The following NSMAF variants were observed in gnomAD, a reference collection of about 807,000 sequenced individuals.
The protein encoded by NSMAF is protein FAN.
A neutral mutation model predicts 134.9 loss-of-function variants in NSMAF; 90 were observed. The observed-to-expected ratio is 0.67, with a 90% CI of 0.56 to 0.79. The LOEUF is 0.79. NSMAF is among the 30% of genes least tolerant of loss of function. NSMAF has a pLI of 0.00. For missense variants in NSMAF, 1,010 were observed against 1,119.0 expected (o/e 0.90, Z 1.39); for synonymous variants, 358 against 389.6 (o/e 0.92, Z 0.96).
Position 58,606,214 on chromosome 8 carries a change from G to GTA in NSMAF, c.760-181_760-180dup, listed in dbSNP as rs146075702. 4.0e-3 allele frequency among the ~76,000 whole-genome samples: 601 copies of GTA among 150,648 alleles called. 8 individuals are homozygous for GTA. The highest frequency in any genetic ancestry group is 0.017 in the South Asian group (79 of 4,772). ...GATATATATACACATATACGTTTGC[G>GTA]TATATATATATATGTTGTATTTATA... is the stretch of plus-strand genomic sequence containing the variant. On this transcript the variant is annotated intron_variant, in intron 11 of 30. Transcript: ENST00000038176.
At chr8:58,627,264 T>C (rs948694671) in intron 6 of NSMAF, among the ~76,000 whole-genome samples, 4 of 152,204 alleles carry the variant, frequency 2.6e-5, no homozygotes, top group Admixed American at 6.6e-5. Context: ...TTTTGGGTTC[T>C]TAGTCATGAA....
chr8:58,600,061 A>C, intron 16 of NSMAF, 40 bp from the exon 17 acceptor site: 2 of 1,462,806 alleles, frequency 1.4e-6, no homozygotes, highest in Non-Finnish European at 9.5e-7. Flanking sequence ...TCAGCTAAGG[A>C]AATAGCAATA....
chr8:58,631,515 G>T lies in NSMAF; in HGVS notation c.365C>A (p.Ala122Glu). The stretch of plus-strand genomic sequence containing the variant: ...ACTTACCCTTTCTATTTTATATGGT[G>T]CAACAACATTATGTTCTTTAATGAA... ...VYFIKEHNVV[A>E]PYKIERGKME... Residue 122 changes from alanine (A) to glutamate (E), a missense_variant, in exon 6 of 31, where the codon GCA becomes GAA. Transcript: ENST00000038176. 1 of 1,508,450 alleles carries T rather than the reference G, an allele frequency of 6.6e-7. No individual in the cohort carries two copies. Among genetic ancestry groups the T allele is most frequent in the Non-Finnish European group, 9.0e-7 (1 of 1,111,126 alleles). 93.4% of individuals were successfully genotyped at this position (1,508,450 alleles called of 1,614,324 possible).
chr8:58,615,149 C>T (rs1006494244), intron 9 of NSMAF, among the ~76,000 whole-genome samples: 4 of 152,182 alleles, frequency 2.6e-5, no homozygotes, highest in South Asian at 2.1e-4. Flanking sequence ...GAAGACATTA[C>T]GCATCTTAAT....
chr8:58,598,780 T>C (rs1806201880), intron 19 of NSMAF, among the ~76,000 whole-genome samples: 1 of 152,114 alleles, frequency 6.6e-6, no homozygotes, highest in Admixed American at 6.5e-5. Flanking sequence ...CCCAGCACTT[T>C]GGGAGGCCGA....
chr8:58,594,019 T>A (rs1297800389), intron 23 of NSMAF, among the ~76,000 whole-genome samples: 1 of 152,186 alleles, frequency 6.6e-6, no homozygotes, highest in Non-Finnish European at 1.5e-5. Context: ...TCCTCAACTC[T>A]GGGAAACCTC....
At chr8:58,590,205 C>G (rs1012232704) in intron 24 of NSMAF, 131 bp from the exon 25 acceptor site, 10 of 734,454 alleles carry the variant, frequency 1.4e-5, no homozygotes, top group African/African-American at 1.2e-4. Context: ...CCTATTTACG[C>G]AGATTTTCTC....
Position 58,635,403 on chromosome 8 carries a change from A to G in NSMAF, c.229-31T>C, listed in dbSNP as rs757714513. 31 of 1,580,070 alleles carry G rather than the reference A, an allele frequency of 2.0e-5. No homozygotes were observed. The East Asian group carries it at 6.9e-4, about 35-fold the overall frequency. On this transcript the variant is annotated intron_variant, in intron 3 of 30. Transcript: ENST00000038176. ...TAAAATTGAGAGAAATATTATAAAA[A>G]TCAAGAAAGGTAAGACATACACAAA...
At chr8:58,602,900 G>T (rs915861745) in intron 13 of NSMAF, among the ~76,000 whole-genome samples, 2 of 152,156 alleles carry the variant, frequency 1.3e-5, no homozygotes, top group Non-Finnish European at 2.9e-5. Flanking sequence ...TTTTCAAAGT[G>T]AGAAGCAAAT....
chr8:58,656,023 TTG>T (rs76129781), intron 1 of NSMAF, among the ~76,000 whole-genome samples: 5,359 of 152,104 alleles, frequency 0.035, 307 homozygotes, highest in East Asian at 0.24. Flanking sequence ...AATCTTTTTT[TTG>T]TTTGTTTGTT....
At chr8:58,639,921 G>A (rs991198081) in intron 2 of NSMAF, 2 of 335,386 alleles carry the variant, frequency 6.0e-6, no homozygotes, top group Admixed American at 4.0e-5. Flanking sequence ...ATTTCACGTA[G>A]ACTCTAAAAG....
At chr8:58,626,081 T>C (rs1585750361) in intron 6 of NSMAF, among the ~76,000 whole-genome samples, 9 of 137,472 alleles carry the variant, frequency 6.5e-5, no homozygotes. Context: ...CCAAAGTCCA[T>C]TATATAATTC....
At position 58,603,202 on chromosome 8, in the gene NSMAF, G is replaced by C; in HGVS notation, c.1045+8C>G. The C allele has an allele frequency of 6.2e-7, 1 of 1,613,386 alleles. No homozygotes were observed. The highest frequency in any genetic ancestry group is 2.2e-5 in the East Asian group (1 of 44,870). ...CAACTTGGTCAGAATTCCACGTGTG[G>C]CAGTTACCTAGTTCTGAGCTGGAAT... On this transcript the variant is annotated splice_region_variant and intron_variant, in intron 13 of 30. Coordinates refer to ENST00000038176, the MANE Select transcript of NSMAF (RefSeq NM_003580.4).
At chr8:58,612,000 T>C (rs1448950760) in intron 9 of NSMAF, among the ~76,000 whole-genome samples, 1 of 152,178 alleles carries the variant, frequency 6.6e-6, no homozygotes, top group Admixed American at 6.5e-5. Flanking sequence ...CTCCTGAAAC[T>C]TGTGTAATTT....
chr8:58,641,289 T>G (rs1807329828), intron 2 of NSMAF, among the ~76,000 whole-genome samples: 1 of 152,158 alleles, frequency 6.6e-6, no homozygotes, highest in Non-Finnish European at 1.5e-5. Context: ...GCCTCTTAGC[T>G]AAGATAAAGT....
intron 5 of NSMAF, 128 bp downstream of exon 5, chr8:58,635,061 A>G: frequency 4.1e-6 from 3 of 733,556 alleles, no homozygotes; most frequent in Admixed American, 2.6e-5. Context: ...TTTCTCAATG[A>G]CTGAATTCTA....
intron 6 of NSMAF, among the ~76,000 whole-genome samples, chr8:58,626,822 C>G (rs868858707): frequency 6.6e-6 from 1 of 152,178 alleles, no homozygotes; most frequent in Non-Finnish European, 1.5e-5. Context: ...TACATTCCTA[C>G]CAGCAGTGTA....
At chr8:58,634,419 G>A (rs1807124077) in intron 5 of NSMAF, among the ~76,000 whole-genome samples, 1 of 152,138 alleles carries the variant, frequency 6.6e-6, no homozygotes, top group Admixed American at 6.6e-5. Flanking sequence ...TTGCATGAGA[G>A]GATTTAAGTC....
At chr8:58,596,562 C>G (rs941753479) in intron 21 of NSMAF, among the ~76,000 whole-genome samples, 26 of 152,180 alleles carry the variant, frequency 1.7e-4, no homozygotes, top group African/African-American at 6.3e-4. Context: ...CAGCGCAGAA[C>G]AGATACCCTG....
Sources: allele counts gnomAD v4.1 joint callset (sites outside exome capture counted in the v4.1 genomes callset), GRCh38; gene constraint gnomAD v4.1.1; transcripts MANE v1.5; gene names NCBI Gene and HGNC (gene_info 2026-07-23, HGNC 2026-07-21).